Variants in KATNIP observed in about 807,000 individuals in gnomAD.
KATNIP encodes katanin interacting protein, also known as katanin-interacting protein.
A neutral mutation model predicts 174.0 loss-of-function variants in KATNIP; 126 were observed. That is an observed-to-expected ratio of 0.72 (90% CI 0.63 to 0.84). KATNIP has a LOEUF of 0.84. Ranked by LOEUF, KATNIP falls within the 40% of genes least tolerant of loss-of-function variation. The pLI, the probability that KATNIP is intolerant of heterozygous loss-of-function variation, is 0.00. For missense variants in KATNIP, 1,958 were observed against 2,109.7 expected (o/e 0.93, Z 1.41); for synonymous variants, 810 against 835.7 (o/e 0.97, Z 0.53).
intron 19 of KATNIP, among the ~76,000 whole-genome samples, chr16:27,761,969 G>T (rs1348313239): frequency 6.6e-6 from 1 of 152,174 alleles, no homozygotes; most frequent in Non-Finnish European, 1.5e-5. Context: ...GCCTCCCGGG[G>T]GCTGAAAGCT....
intron 2 of KATNIP, among the ~76,000 whole-genome samples, chr16:27,601,596 A>T (rs989605851): frequency 1.3e-5 from 2 of 152,128 alleles, no homozygotes; most frequent in African/African-American, 4.8e-5. Flanking sequence ...GATTACAAGC[A>T]TGAGCCACTG....
intron 14 of KATNIP, among the ~76,000 whole-genome samples, chr16:27,735,495 C>G (rs1169151916): frequency 6.6e-6 from 1 of 152,236 alleles, no homozygotes; most frequent in East Asian, 1.9e-4. Context: ...TGAAAACTGC[C>G]CATGCTGTCC....
intron 3 of KATNIP, 169 bp from the exon 4 acceptor site, chr16:27,628,492 G>C (rs2076393358): frequency 1.5e-6 from 1 of 672,618 alleles, no homozygotes; most frequent in African/African-American, 1.8e-5. Context: ...TCTCTAAGTG[G>C]GTAATGGGCC....
rs958010523 is a variant in KATNIP at position 27,749,685 on chromosome 16, T to A, written c.2725T>A (p.Ser909Thr). 1.2e-6 allele frequency: 2 copies of A among 1,612,674 alleles called. No homozygotes were observed. Among genetic ancestry groups the A allele is most frequent in the African/African-American group, 2.7e-5 (2 of 74,770 alleles). The part of the protein sequence containing the change: ...SWSSLSAFDR[S>T]HRGRISNTEL... ...GAGCTCCCTCAGTGCCTTCGACCGC[T>A]CCCACCGGGGACGCATCTCCAACAC... Residue 909 changes from serine to threonine, a missense_variant, in exon 16 of 28, where the codon TCC becomes ACC. Physicochemically the swap from Ser to Thr is moderately conservative, Grantham distance 58 (BLOSUM62 1). Coordinates refer to ENST00000261588, the MANE Select transcript of KATNIP (RefSeq NM_015202.5).
rs896325272 is a variant in KATNIP, at chr16:27,573,923, G to A, written c.30G>A (p.Glu10=). 6.2e-7 allele frequency: 1 copy of A among 1,614,200 alleles called. No homozygotes were observed. Among genetic ancestry groups the A allele is most frequent in the East Asian group, 2.2e-5 (1 of 44,888 alleles). The change falls in exon 2 of 28, where the codon GAG becomes GAA. Residue 10 remains glutamate, a synonymous_variant. Transcript: ENST00000261588. ...CAGGTCAGACTCTGCGAAAGGCCGA[G>A]AGAAGCTGGTCCTGCTCACGAGAGA... The part of the protein sequence containing the change: MDGQTLRKA[E]RSWSCSREKK...
chr16:27,773,136 C>T lies in KATNIP; in HGVS notation c.4236C>T (p.Asp1412=), dbSNP rs917010182. ...TTCAGCTTCTCACCAGCTGGGGCGA[C>T]CCCTACTACATCGGCCTCACCGGCC... The part of the protein sequence containing the change: ...FQFQLLTSWG[D]PYYIGLTGLE... Residue 1412 remains aspartate, a synonymous_variant, in exon 23 of 28, where the codon GAC becomes GAT. Coordinates refer to ENST00000261588, the MANE Select transcript of KATNIP (RefSeq NM_015202.5). 1.9e-6 allele frequency: 3 copies of T among 1,612,666 alleles called. No individual in the cohort carries two copies. The highest frequency in any genetic ancestry group is 4.5e-5 in the East Asian group (2 of 44,874).
At chr16:27,650,311 A>G (rs2077082604) in intron 6 of KATNIP, among the ~76,000 whole-genome samples, 1 of 152,216 alleles carries the variant, frequency 6.6e-6, no homozygotes, top group Non-Finnish European at 1.5e-5. Context: ...GGGATAAAGA[A>G]TGAAGGAAGA....
chr16:27,766,961 C>A (rs2144122488), intron 20 of KATNIP, among the ~76,000 whole-genome samples: 1 of 152,302 alleles, frequency 6.6e-6, no homozygotes, highest in Admixed American at 6.5e-5. Flanking sequence ...GCCAGCCAGA[C>A]CTGGAGCCCA....
rs187024647 is a variant in KATNIP, at chr16:27,583,706, C to G, written c.63+9750C>G. On this transcript the variant is annotated intron_variant, in intron 2 of 27. Transcript: ENST00000261588. Reference sequence around the variant, plus strand: ...TCTGTGACTTCAGCTTTAGTAGTGTCCACAGGCCATGTCTGTCAGCTTCTG... The same window carrying G: ...TCTGTGACTTCAGCTTTAGTAGTGTGCACAGGCCATGTCTGTCAGCTTCTG... Among the ~76,000 whole-genome samples the G allele has an allele frequency of 3.7e-4, 56 of 152,346 alleles. 1 individual carries two copies. Among genetic ancestry groups the G allele is most frequent in the Admixed American group, 3.7e-3 (56 of 15,306 alleles).
At chr16:27,714,312 A>C (rs963807983) in intron 13 of KATNIP, among the ~76,000 whole-genome samples, 4 of 152,114 alleles carry the variant, frequency 2.6e-5, no homozygotes, top group African/African-American at 9.7e-5. Context: ...GAAAATTCTT[A>C]TCTGTCCTGT....
chr16:27,710,620 G>A (rs2079533678), intron 13 of KATNIP, among the ~76,000 whole-genome samples: 1 of 152,114 alleles, frequency 6.6e-6, no homozygotes, highest in Non-Finnish European at 1.5e-5. Flanking sequence ...TCCTGCCTCA[G>A]CCTCCTAAAT....
Position 27,780,006 on chromosome 16 carries a change from T to G in KATNIP, c.*1377T>G, listed in dbSNP as rs956316534. On this transcript the variant is annotated 3_prime_UTR_variant, in exon 28 of 28. Transcript: ENST00000261588. ...AAGAATTGTTTCTCCTGGAGAAAGA[T>G]CCATCATTTCTCCAGCTTCCAAGCC... 1 of 152,114 alleles carries G rather than the reference T, an allele frequency of 6.6e-6. No individual in the cohort carries two copies. The highest frequency in any genetic ancestry group is 2.4e-5 in the African/African-American group (1 of 41,412). 9.4% of individuals were successfully genotyped at this position (152,114 alleles called of 1,614,324 possible). A position where few individuals can be genotyped will look rare whatever the true frequency, so the allele number is the denominator to read the frequency against.
chr16:27,634,539 C>A (rs2142197018), intron 5 of KATNIP, among the ~76,000 whole-genome samples: 1 of 152,304 alleles, frequency 6.6e-6, no homozygotes, highest in East Asian at 1.9e-4. Context: ...ATCCAGGAAT[C>A]AGGGAGTTAC....
intron 13 of KATNIP, among the ~76,000 whole-genome samples, chr16:27,712,528 T>C (rs1232246268): frequency 6.6e-6 from 1 of 152,148 alleles, no homozygotes. Flanking sequence ...ACCCGACAGC[T>C]GAGGTACCTA....
At chr16:27,774,475 G>C (rs1436790972) in intron 23 of KATNIP, among the ~76,000 whole-genome samples, 1 of 152,100 alleles carries the variant, frequency 6.6e-6, no homozygotes, top group Non-Finnish European at 1.5e-5. Flanking sequence ...TAGAAGCTGG[G>C]TTCTGCAGAT....
chr16:27,679,039 G>A (rs2078228845), intron 7 of KATNIP: 1 of 152,270 alleles, frequency 6.6e-6, no homozygotes, highest in Non-Finnish European at 1.5e-5. Flanking sequence ...TCAAAGCTGG[G>A]TGTGCCAAGA....
intron 14 of KATNIP, among the ~76,000 whole-genome samples, chr16:27,731,619 CTTTTCTTTTTT>C (rs1482030007): frequency 4.0e-5 from 6 of 151,188 alleles, no homozygotes; most frequent in Admixed American, 1.3e-4. Flanking sequence ...CTTTCTTTTT[CTTTTCTTTTTT>C]TTTTTTTGAG....
intron 15 of KATNIP, among the ~76,000 whole-genome samples, chr16:27,743,146 A>G (rs2031567917): frequency 6.6e-6 from 1 of 152,232 alleles, no homozygotes; most frequent in South Asian, 2.1e-4. Context: ...TACTGAGGAT[A>G]ACGGCTTCTG....
intron 4 of KATNIP, among the ~76,000 whole-genome samples, 177 bp from the exon 5 acceptor site, chr16:27,630,888 C>T (rs2076467093): frequency 6.6e-6 from 1 of 151,880 alleles, no homozygotes; most frequent in South Asian, 2.1e-4. Flanking sequence ...CTTTTTTGCT[C>T]AACATTTAGC....
Sources: gnomAD v4.1 joint callset for allele counts (sites outside exome capture counted in the v4.1 genomes callset) on GRCh38, gnomAD v4.1.1 for gene constraint, MANE v1.5 for transcripts, NCBI Gene and HGNC (gene_info 2026-07-23, HGNC 2026-07-21) for gene names.